Variants in ARMS2 observed in about 807,000 individuals in gnomAD.
ARMS2 encodes age-related maculopathy susceptibility protein 2.
ARMS2 carries 4 observed loss-of-function variants against 6.0 expected under a neutral mutation model. The observed-to-expected ratio is 0.67, with a 90% CI of 0.33 to 1.53. The LOEUF (loss-of-function observed/expected upper bound fraction) is 1.53. ARMS2 is among the 40% of genes most tolerant of loss of function. The probability of loss-of-function intolerance (pLI) is 0.06; values close to 1 mark genes in which losing one functional copy is unlikely to be tolerated. For synonymous variants in ARMS2, 49 were observed against 51.7 expected (o/e 0.95, Z 0.22); for missense variants, 99 against 127.6 (o/e 0.78, Z 1.08).
chr10:122,456,883 T>A, intron 1 of ARMS2, 24 bp from the exon 2 acceptor site: 2 of 1,550,582 alleles, frequency 1.3e-6, no homozygotes, highest in Non-Finnish European at 1.7e-6. Flanking sequence ...AAAATGCATA[T>A]TACTAAATCT....
Position 122,457,189 on chromosome 10 carries a change from T to C in ARMS2, c.*256T>C. The C allele has an allele frequency of 2.3e-6, 1 of 429,582 alleles. No individual in the cohort carries two copies. The highest frequency in any genetic ancestry group is 4.1e-6 in the Non-Finnish European group (1 of 244,056). The allele number at this position is 429,582 out of a possible 1,614,324, so 26.6% of individuals were successfully genotyped here. A position where few individuals can be genotyped will look rare whatever the true frequency, so the allele number is the denominator to read the frequency against. ...CTTCTGCTCTGTGCAGCTGGTGAAA[T>C]CTTTCTCAACCCTTGAGATGCAGCC... On this transcript the variant is annotated 3_prime_UTR_variant, in exon 2 of 2. Transcript: ENST00000528446.
At chr10:122,456,776 G>A in intron 1 of ARMS2, 131 bp from the exon 2 acceptor site, 10 of 1,305,366 alleles carry the variant, frequency 7.7e-6, no homozygotes, top group Non-Finnish European at 1.0e-5. Context: ...CAAAAGGAAT[G>A]GAATGTCTAT....
chr10:122,455,663 G>A (rs1045335943), intron 1 of ARMS2, among the ~76,000 whole-genome samples: 4 of 152,168 alleles, frequency 2.6e-5, no homozygotes, highest in Non-Finnish European at 4.4e-5. Context: ...TTACGGAACT[G>A]TGGCGCTTTG....
Position 122,457,074 on chromosome 10 carries a change from C to A in ARMS2, c.*141C>A. ...TCCCTCCAGCTGCCTCAACTGTCCACAGGACTCTCTTCCCACCTGCGGCCA... is the reference window on the plus strand; with the variant it reads ...TCCCTCCAGCTGCCTCAACTGTCCAAAGGACTCTCTTCCCACCTGCGGCCA... On this transcript the variant is annotated 3_prime_UTR_variant, in exon 2 of 2. Transcript: ENST00000528446. 2 of 1,127,866 alleles carry A rather than the reference C, an allele frequency of 1.8e-6. No individual in the cohort carries two copies. The highest frequency in any genetic ancestry group is 2.5e-6 in the Non-Finnish European group (2 of 793,620). The allele number at this position is 1,127,866 out of a possible 1,614,324, so 69.9% of individuals were successfully genotyped here.
At chr10:122,455,054 C>T (rs893042209) in intron 1 of ARMS2, 30 bp downstream of exon 1, 2 of 1,246,202 alleles carry the variant, frequency 1.6e-6, no homozygotes, top group Admixed American at 2.0e-5. Flanking sequence ...AGGCCTTACC[C>T]CAGACCTATT....
chr10:122,457,110 C>T lies in ARMS2; in HGVS notation c.*177C>T. 1 of 727,358 alleles carries T rather than the reference C, an allele frequency of 1.4e-6. No individual in the cohort carries two copies. The highest frequency in any genetic ancestry group is 2.2e-6 in the Non-Finnish European group (1 of 452,492). 45.1% of individuals were successfully genotyped at this position (727,358 alleles called of 1,614,324 possible). A position where few individuals can be genotyped will look rare whatever the true frequency, so the allele number is the denominator to read the frequency against. On this transcript the variant is annotated 3_prime_UTR_variant, in exon 2 of 2. Transcript: ENST00000528446. The stretch of plus-strand genomic sequence containing the variant: ...TCCCACCTGCGGCCACACTGTGCAA[C>T]CTGGAATTTCCCCACCTGGGCGGAC...
chr10:122,455,047 C>A (rs2097476142), intron 1 of ARMS2, 23 bp downstream of exon 1: 5 of 1,315,312 alleles, frequency 3.8e-6, no homozygotes, highest in South Asian at 2.5e-5. Flanking sequence ...GATGATCAGG[C>A]CTTACCCCAG....
chr10:122,454,767 G>A lies in ARMS2; in HGVS notation c.40G>A (p.Glu14Lys). Residue 14 changes from glutamate (E) to lysine (K), a missense_variant, in exon 1 of 2, where the codon GAG becomes AAG. Coordinates refer to ENST00000528446, the MANE Select transcript of ARMS2 (RefSeq NM_001099667.3). ...CCCAGGACCGATGGTAACTGAGGCGGAGGGGAAAGGAGGGCCTGAGATGGC... is the reference window on the plus strand; with the variant it reads ...CCCAGGACCGATGGTAACTGAGGCGAAGGGGAAAGGAGGGCCTGAGATGGC... ...LYPGPMVTEA[E>K]GKGGPEMASL... is the part of the protein sequence containing the mutation. The A allele has an allele frequency of 6.2e-7, 1 of 1,613,984 alleles. No homozygotes were observed. The highest frequency in any genetic ancestry group is 1.3e-5 in the African/African-American group (1 of 75,026).
chr10:122,454,677 C>A lies in ARMS2; in HGVS notation c.-51C>A. 1 of 1,586,280 alleles carries A rather than the reference C, an allele frequency of 6.3e-7. No homozygotes were observed. The highest frequency in any genetic ancestry group is 8.6e-7 in the Non-Finnish European group (1 of 1,162,158). On this transcript the variant is annotated 5_prime_UTR_variant, in exon 1 of 2. Coordinates refer to ENST00000528446, the MANE Select transcript of ARMS2 (RefSeq NM_001099667.3). The stretch of plus-strand genomic sequence containing the variant: ...CCTGGCTGAGTGAGATGGCAGCTGG[C>A]TTGGCAAGGGGACAGCACCTTTGTC...
intron 1 of ARMS2, among the ~76,000 whole-genome samples, chr10:122,455,999 T>TA (rs769508992): frequency 6.6e-6 from 1 of 152,112 alleles, no homozygotes; most frequent in Non-Finnish European, 1.5e-5. Context: ...TTTAATTTTC[T>TA]AAAGCAAATA....
intron 1 of ARMS2, among the ~76,000 whole-genome samples, chr10:122,455,403 G>A (rs139362987): frequency 7.1e-4 from 108 of 152,164 alleles, no homozygotes; most frequent in African/African-American, 1.6e-3. Context: ...CCTGCTTCTC[G>A]TCCGGGTTGT....
Position 122,455,027 on chromosome 10 carries a change from A to G in ARMS2, c.297+3A>G, listed in dbSNP as rs1041219796. On this transcript the variant is annotated splice_donor_region_variant and intron_variant, in intron 1 of 1. Coordinates refer to ENST00000528446, the MANE Select transcript of ARMS2 (RefSeq NM_001099667.3). ...AGCCTCAGCACCACCTGACACTGGT[A>G]AGAAATGCAGATGATCAGGCCTTAC... 6.7e-7 allele frequency: 1 copy of G among 1,490,070 alleles called. No individual in the cohort carries two copies. The highest frequency in any genetic ancestry group is 1.4e-5 in the African/African-American group (1 of 72,276). The allele number at this position is 1,490,070 out of a possible 1,614,324, so 92.3% of individuals were successfully genotyped here. A position where few individuals can be genotyped will look rare whatever the true frequency, so the allele number is the denominator to read the frequency against.
rs776827247 is a variant in ARMS2 at position 122,454,710 on chromosome 10, T to C, written c.-18T>C. 1 of 1,608,868 alleles carries C rather than the reference T, an allele frequency of 6.2e-7. No homozygotes were observed. Among genetic ancestry groups the C allele is most frequent in the Non-Finnish European group, 8.5e-7 (1 of 1,176,376 alleles). ...GGGGACAGCACCTTTGTCACCACAT[T>C]ATGTCCCTGTACCCTACATGCTGCG... On this transcript the variant is annotated 5_prime_UTR_variant, in exon 1 of 2. Coordinates refer to ENST00000528446, the MANE Select transcript of ARMS2 (RefSeq NM_001099667.3).
chr10:122,456,723 G>A (rs1241646262), intron 1 of ARMS2, among the ~76,000 whole-genome samples, 184 bp from the exon 2 acceptor site: 1 of 151,972 alleles, frequency 6.6e-6, no homozygotes, highest in South Asian at 2.1e-4. Context: ...TGGAAGGAGG[G>A]GGTCTACATT....
chr10:122,454,870 GAGA>G lies in ARMS2; in HGVS notation c.146_148del (p.Glu49del). ...TCTGTGCTGGACCCTGGAGTTGGTG[GAGA>G]AGGAGCCAGTGACAAGCAGAGGAGC... On this transcript the variant is annotated inframe_deletion, in exon 1 of 2. Transcript: ENST00000528446. 6.2e-7 allele frequency: 1 copy of G among 1,613,942 alleles called. No individual in the cohort carries two copies. Among genetic ancestry groups the G allele is most frequent in the Non-Finnish European group, 8.5e-7 (1 of 1,179,874 alleles).
At chr10:122,456,268 A>C (rs2097477008) in intron 1 of ARMS2, among the ~76,000 whole-genome samples, 1 of 151,622 alleles carries the variant, frequency 6.6e-6, no homozygotes, top group Non-Finnish European at 1.5e-5. Context: ...CTCTGGCTCG[A>C]GAGGATGCCC....
intron 1 of ARMS2, among the ~76,000 whole-genome samples, chr10:122,455,943 T>C (rs1281540200): frequency 6.6e-6 from 1 of 152,098 alleles, no homozygotes; most frequent in Non-Finnish European, 1.5e-5. Context: ...TGTATCTGTC[T>C]GATACTTTAC....
At position 122,457,067 on chromosome 10, in the gene ARMS2, C is replaced by T; in HGVS notation, c.*134C>T. 1 of 1,202,286 alleles carries T rather than the reference C, an allele frequency of 8.3e-7. No individual in the cohort carries two copies. Among genetic ancestry groups the T allele is most frequent in the South Asian group, 1.5e-5 (1 of 68,530 alleles). The allele number at this position is 1,202,286 out of a possible 1,614,324, so 74.5% of individuals were successfully genotyped here. Reference sequence around the variant, plus strand: ...GTCCCCTTCCCTCCAGCTGCCTCAACTGTCCACAGGACTCTCTTCCCACCT... The same window carrying T: ...GTCCCCTTCCCTCCAGCTGCCTCAATTGTCCACAGGACTCTCTTCCCACCT... On this transcript the variant is annotated 3_prime_UTR_variant, in exon 2 of 2. Transcript: ENST00000528446.
chr10:122,456,797 C>G (rs2097477495), intron 1 of ARMS2, 110 bp from the exon 2 acceptor site: 1 of 1,452,860 alleles, frequency 6.9e-7, no homozygotes, highest in African/African-American at 1.4e-5. Context: ...ACTTCTTACC[C>G]TATTGAGTTA....
Sources: gnomAD v4.1 joint callset for allele counts (sites outside exome capture counted in the v4.1 genomes callset) on GRCh38, gnomAD v4.1.1 for gene constraint, MANE v1.5 for transcripts, NCBI Gene and HGNC (gene_info 2026-07-23, HGNC 2026-07-21) for gene names.